DTNA: variants seen among roughly 807,000 people sequenced by gnomAD.
DTNA encodes dystrobrevin alpha.
DTNA carries 43 observed loss-of-function variants against 100.7 expected under a neutral mutation model. The observed-to-expected ratio is 0.43, with a 90% CI of 0.33 to 0.55. The LOEUF is 0.55. Among genes scored for constraint, DTNA ranks in the 20% least tolerant of loss-of-function variants. The pLI is 0.04. For synonymous variants in DTNA, 349 were observed against 347.9 expected, an observed-to-expected ratio of 1.00 and a Z score of -0.04; for missense variants, 798 against 953.9, an observed-to-expected ratio of 0.84 and a Z score of 2.15.
intron 4 of DTNA, among the ~76,000 whole-genome samples, chr18:34,798,597 T>G (rs938459522): frequency 6.6e-6 from 1 of 152,210 alleles, no homozygotes; most frequent in Non-Finnish European, 1.5e-5. Context: ...CTTCATAAAG[T>G]AGATTATGTG....
intron 5 of DTNA, among the ~76,000 whole-genome samples, chr18:34,810,636 G>C (rs1350262590): frequency 1.3e-5 from 2 of 152,098 alleles, no homozygotes; most frequent in African/African-American, 2.4e-5. Context: ...TAGCACTGTA[G>C]GGTGACTATA....
chr18:34,669,643 AT>A (rs2076462771), intron 1 of DTNA, among the ~76,000 whole-genome samples: 1 of 152,212 alleles, frequency 6.6e-6, no homozygotes, highest in Non-Finnish European at 1.5e-5. Context: ...ATCTGTCAGC[AT>A]TAGCTTGTCT....
chr18:34,643,792 A>G (rs1386858833), intron 1 of DTNA, among the ~76,000 whole-genome samples: 1 of 152,238 alleles, frequency 6.6e-6, no homozygotes, highest in African/African-American at 2.4e-5. Flanking sequence ...TAATAAAATT[A>G]TCATTATGTA....
At chr18:34,642,480 G>A (rs2059382090) in intron 1 of DTNA, among the ~76,000 whole-genome samples, 2 of 150,512 alleles carry the variant, frequency 1.3e-5, no homozygotes, top group South Asian at 2.1e-4. Flanking sequence ...TTCAGGCTGG[G>A]TTGCTTTCCT....
chr18:34,712,035 C>T (rs1481171528), intron 1 of DTNA, among the ~76,000 whole-genome samples: 1 of 151,844 alleles, frequency 6.6e-6, no homozygotes, highest in Admixed American at 6.6e-5. Flanking sequence ...TTCTAAAAAT[C>T]AGTGAAAGAT....
At chr18:34,632,967 C>T (rs1282583335) in intron 1 of DTNA, among the ~76,000 whole-genome samples, 1 of 151,704 alleles carries the variant, frequency 6.6e-6, no homozygotes, top group Non-Finnish European at 1.5e-5. Context: ...TTACAGCTAA[C>T]AAAACTGAGA....
At chr18:34,857,106 C>T (rs1227600788) in intron 15 of DTNA, among the ~76,000 whole-genome samples, 1 of 152,154 alleles carries the variant, frequency 6.6e-6, no homozygotes, top group Non-Finnish European at 1.5e-5. Context: ...ACCCCTTAAA[C>T]TATCTGACAT....
chr18:34,616,417 C>A (rs1360029114), intron 1 of DTNA, among the ~76,000 whole-genome samples: 1 of 152,174 alleles, frequency 6.6e-6, no homozygotes, highest in Admixed American at 6.5e-5. Context: ...GCAGAGCAAG[C>A]AGACAACCCA....
intron 17 of DTNA, chr18:34,868,603 T>C (rs1197843646): frequency 1.0e-6 from 1 of 985,338 alleles, no homozygotes; most frequent in African/African-American, 1.7e-5. Flanking sequence ...TTTAATAACC[T>C]CTACTTGCTT....
chr18:34,539,248 A>G (rs1023638320), intron 1 of DTNA, among the ~76,000 whole-genome samples: 1 of 151,814 alleles, frequency 6.6e-6, no homozygotes, highest in Admixed American at 6.6e-5. Context: ...TACTTCTAGG[A>G]TTCCATTCAA....
chr18:34,739,995 T>C (rs532141454), intron 1 of DTNA, among the ~76,000 whole-genome samples: 1 of 152,226 alleles, frequency 6.6e-6, no homozygotes, highest in African/African-American at 2.4e-5. Context: ...CTGATTCAAG[T>C]TTCAAGCCTA....
At chr18:34,717,395 G>A (rs1396139767) in intron 1 of DTNA, among the ~76,000 whole-genome samples, 2 of 152,142 alleles carry the variant, frequency 1.3e-5, no homozygotes, top group African/African-American at 4.8e-5. Flanking sequence ...GATATAGATA[G>A]GACAAGAAGG....
chr18:34,537,771 G>A (rs1354522685), intron 1 of DTNA, among the ~76,000 whole-genome samples: 1 of 151,924 alleles, frequency 6.6e-6, no homozygotes, highest in Non-Finnish European at 1.5e-5. Flanking sequence ...ATAAGATGGG[G>A]AAATGGAGGA....
intron 1 of DTNA, among the ~76,000 whole-genome samples, chr18:34,718,605 T>C (rs976624197): frequency 2.0e-5 from 3 of 152,208 alleles, no homozygotes; most frequent in Non-Finnish European, 2.9e-5. Flanking sequence ...AGGTTTTATT[T>C]CTTCCAAAGC....
At chr18:34,875,120 G>C in intron 17 of DTNA, 119 bp from the exon 18 acceptor site, 2 of 1,435,546 alleles carry the variant, frequency 1.4e-6, no homozygotes, top group Non-Finnish European at 1.9e-6. Flanking sequence ...CAATTACCTA[G>C]GATTTCCTCC....
intron 1 of DTNA, among the ~76,000 whole-genome samples, chr18:34,590,753 C>T (rs2049631801): frequency 6.6e-6 from 1 of 152,168 alleles, no homozygotes; most frequent in African/African-American, 2.4e-5. Context: ...TGATCTAATC[C>T]TAATTCTCAC....
Position 34,838,802 on chromosome 18 carries a change from G to C in DTNA, c.1311G>C (p.Gly437=). The C allele has an allele frequency of 1.2e-6, 2 of 1,613,760 alleles. No individual in the cohort carries two copies. Among genetic ancestry groups the C allele is most frequent in the Non-Finnish European group, 1.7e-6 (2 of 1,179,772 alleles). The change falls in exon 13 of 23, where the codon GGG becomes GGC. Residue 437 remains glycine, a synonymous_variant. Transcript: ENST00000444659. ...DRLADEHVLI[G]LYVNMLRNNP... ...TAGCTGATGAACATGTTCTCATCGGGTTGTATGTCAACATGCTCCGGAACA... is the reference window on the plus strand; with the variant it reads ...TAGCTGATGAACATGTTCTCATCGGCTTGTATGTCAACATGCTCCGGAACA...
chr18:34,510,069 T>TGTG (rs2040884110), intron 1 of DTNA, among the ~76,000 whole-genome samples: 2 of 144,960 alleles, frequency 1.4e-5, no homozygotes, highest in African/African-American at 5.1e-5. Context: ...GAGTGTAATT[T>TGTG]TGTGTGTGTG....
At chr18:34,516,553 C>T (rs1317868615) in intron 1 of DTNA, among the ~76,000 whole-genome samples, 1 of 152,114 alleles carries the variant, frequency 6.6e-6, no homozygotes, top group Admixed American at 6.6e-5. Context: ...CATACCTTAT[C>T]TACAACCATA....
Sources: allele counts gnomAD v4.1 joint callset (sites outside exome capture counted in the v4.1 genomes callset), GRCh38; gene constraint gnomAD v4.1.1; transcripts MANE v1.5; gene names NCBI Gene and HGNC (gene_info 2026-07-23, HGNC 2026-07-21).